Variants in PAIP1 observed in about 807,000 individuals in gnomAD.
PAIP1 encodes the protein polyadenylate-binding protein-interacting protein 1.
PAIP1 carries 16 observed loss-of-function variants against 61.3 expected under a neutral mutation model. The ratio of observed to expected loss-of-function variants is 0.26; its 90% CI spans 0.18 to 0.40. PAIP1 has a LOEUF of 0.40. Ranked by LOEUF, PAIP1 falls within the 10% of genes least tolerant of loss-of-function variation. The probability of loss-of-function intolerance (pLI) is 1.00; values close to 1 mark genes in which losing one functional copy is unlikely to be tolerated. For missense variants in PAIP1, 416 were observed against 600.9 expected, an observed-to-expected ratio of 0.69 and a Z score of 3.22; for synonymous variants, 187 against 226.2, an observed-to-expected ratio of 0.83 and a Z score of 1.56.
chr5:43,552,943 G>C (rs1280402116), intron 2 of PAIP1, among the ~76,000 whole-genome samples: 1 of 152,164 alleles, frequency 6.6e-6, no homozygotes, highest in Non-Finnish European at 1.5e-5. Flanking sequence ...AGATCAGACT[G>C]CAGAGGTCTG....
rs1429356680 is a variant in PAIP1, at chr5:43,535,654, T to G, written c.973-14A>C. On this transcript the variant is annotated splice_polypyrimidine_tract_variant and intron_variant, in intron 6 of 10. Transcript: ENST00000306846. ...TGATCCTGTCAACTAAAAAAGCAGG[T>G]GTCAGTAAAATAAGAAATTCAATAG... 1 of 1,358,844 alleles carries G rather than the reference T, an allele frequency of 7.4e-7. No individual in the cohort carries two copies. Among genetic ancestry groups the G allele is most frequent in the Non-Finnish European group, 1.1e-6 (1 of 949,546 alleles). 84.2% of individuals were successfully genotyped at this position (1,358,844 alleles called of 1,614,324 possible).
At chr5:43,542,621 A>T (rs1163645633) in intron 4 of PAIP1, among the ~76,000 whole-genome samples, 1 of 152,202 alleles carries the variant, frequency 6.6e-6, no homozygotes, top group Non-Finnish European at 1.5e-5. Context: ...ATGGAATGAA[A>T]ATCCAGAATC....
Position 43,535,581 on chromosome 5 carries a change from T to C in PAIP1, c.1032A>G (p.Glu344=). ...CAACGTTTTCAATTCTCTGAATAAT[T>C]TCTTCCATATCCATCTTTCCTTTTT... is the stretch of plus-strand genomic sequence containing the variant. ...WKEKGKMDME[E]IIQRIENVVL... Residue 344 remains glutamate (E), a synonymous_variant, in exon 7 of 11, where the codon GAA becomes GAG. Transcript: ENST00000306846. 2 of 1,606,192 alleles carry C rather than the reference T, an allele frequency of 1.2e-6. No homozygotes were observed. Among genetic ancestry groups the C allele is most frequent in the Non-Finnish European group, 1.7e-6 (2 of 1,174,234 alleles).
At chr5:43,532,389 A>G (rs571873566) in intron 9 of PAIP1, among the ~76,000 whole-genome samples, 1 of 152,314 alleles carries the variant, frequency 6.6e-6, no homozygotes, top group East Asian at 1.9e-4. Context: ...GAAGAGTTAC[A>G]TAGTATACAA....
chr5:43,551,710 T>C (rs1235856944), intron 2 of PAIP1, among the ~76,000 whole-genome samples: 1 of 150,712 alleles, frequency 6.6e-6, no homozygotes, highest in East Asian at 1.9e-4. Context: ...TCATTCTTCG[T>C]GGCAAAAATG....
chr5:43,535,430 G>A (rs1175826568), intron 7 of PAIP1, 104 bp downstream of exon 7: 1 of 692,080 alleles, frequency 1.4e-6, no homozygotes, highest in African/African-American at 1.8e-5. Context: ...ATATCCGTTA[G>A]CCATCAACTT....
Position 43,541,088 on chromosome 5 carries a change from CTG to C in PAIP1, c.734+1914_734+1915del, listed in dbSNP as rs1048325279. ...ACTTTGACATTTGTATTTTTCCAAACTGTATCTATATCTATTTGGCGCTATTC... is the reference window on the plus strand; with the variant it reads ...ACTTTGACATTTGTATTTTTCCAAACTATCTATATCTATTTGGCGCTATTC... On this transcript the variant is annotated intron_variant, in intron 4 of 10. Transcript: ENST00000306846. Among the ~76,000 whole-genome samples, 38 of 149,618 alleles carry C rather than the reference CTG, an allele frequency of 2.5e-4. 1 individual carries two copies. The highest frequency in any genetic ancestry group is 8.9e-4 in the African/African-American group (36 of 40,426).
intron 3 of PAIP1, among the ~76,000 whole-genome samples, chr5:43,545,602 G>A (rs1341738652): frequency 2.6e-5 from 4 of 152,080 alleles, no homozygotes; most frequent in Non-Finnish European, 4.4e-5. Flanking sequence ...GGAATTCAAC[G>A]TTAGATCTGC....
intron 2 of PAIP1, among the ~76,000 whole-genome samples, chr5:43,551,664 C>A (rs13357169): frequency 0.011 from 1,747 of 152,026 alleles, 33 homozygotes; most frequent in African/African-American, 0.036. Context: ...GTACGGGTCC[C>A]AGCTGAAAGT....
intron 9 of PAIP1, among the ~76,000 whole-genome samples, chr5:43,532,877 G>A (rs954003430): frequency 3.3e-5 from 5 of 152,108 alleles, no homozygotes; most frequent in African/African-American, 4.8e-5. Context: ...TCACTTGTCA[G>A]GGAAATAAAA....
At position 43,527,006 on chromosome 5, in the gene PAIP1, A is replaced by G. The variant is rs904380625; in HGVS notation, c.*370T>C. The G allele has an allele frequency of 1.3e-5, 2 of 155,086 alleles. No homozygotes were observed. Among genetic ancestry groups the G allele is most frequent in the African/African-American group, 4.8e-5 (2 of 41,582 alleles). The allele number at this position is 155,086 out of a possible 1,614,324, so 9.6% of individuals were successfully genotyped here. A position where few individuals can be genotyped will look rare whatever the true frequency, so the allele number is the denominator to read the frequency against. On this transcript the variant is annotated 3_prime_UTR_variant, in exon 11 of 11. Coordinates refer to ENST00000306846, the MANE Select transcript of PAIP1 (RefSeq NM_006451.5). The stretch of plus-strand genomic sequence containing the variant: ...ACTCCTACCTAAAAAAGGATGCTAC[A>G]TTTTTGCAGTAATATGTATTTCCAG...
At position 43,527,361 on chromosome 5, in the gene PAIP1, T is replaced by G; in HGVS notation, c.*15A>C. 6.3e-7 allele frequency: 1 copy of G among 1,577,496 alleles called. No individual in the cohort carries two copies. Among genetic ancestry groups the G allele is most frequent in the Non-Finnish European group, 8.6e-7 (1 of 1,163,938 alleles). On this transcript the variant is annotated 3_prime_UTR_variant, in exon 11 of 11. Coordinates refer to ENST00000306846, the MANE Select transcript of PAIP1 (RefSeq NM_006451.5). ...CCTAAACTGCTTTATAAAACTGATA[T>G]GCTGAAATTTAACTTTACTGTTTTC...
chr5:43,533,689 C>G, intron 9 of PAIP1, 49 bp downstream of exon 9: 1 of 1,168,790 alleles, frequency 8.6e-7, no homozygotes. Context: ...TGTAAATTTA[C>G]TACTTTACCA....
chr5:43,531,532 C>CTGTAA (rs1746929476), intron 9 of PAIP1, among the ~76,000 whole-genome samples: 1 of 148,800 alleles, frequency 6.7e-6, no homozygotes, highest in South Asian at 2.1e-4. Context: ...TGGCACAGGC[C>CTGTAA]TGTAATCCCA....
rs986700080 is a variant in PAIP1, at chr5:43,556,005, A to G, written c.266-6T>C. 2 of 1,606,016 alleles carry G rather than the reference A, an allele frequency of 1.2e-6. No individual in the cohort carries two copies. Among genetic ancestry groups the G allele is most frequent in the Non-Finnish European group, 1.7e-6 (2 of 1,177,858 alleles). Reference sequence around the variant, plus strand: ...TCTCAGGGGCCTCGTTTGCTCTGCAAAAGAAAAAAAAACGGGGCGTCAGAT... The same window carrying G: ...TCTCAGGGGCCTCGTTTGCTCTGCAGAAGAAAAAAAAACGGGGCGTCAGAT... On this transcript the variant is annotated splice_region_variant and splice_polypyrimidine_tract_variant and intron_variant, in intron 1 of 10. Coordinates refer to ENST00000306846, the MANE Select transcript of PAIP1 (RefSeq NM_006451.5).
At chr5:43,535,477 C>T in intron 7 of PAIP1, 57 bp downstream of exon 7, 1 of 983,428 alleles carries the variant, frequency 1.0e-6, no homozygotes, top group Non-Finnish European at 1.6e-6. Context: ...AAACAATCTC[C>T]AAAGAAAAAG....
intron 10 of PAIP1, among the ~76,000 whole-genome samples, chr5:43,528,444 A>G (rs921256369): frequency 6.6e-6 from 1 of 152,206 alleles, no homozygotes; most frequent in Admixed American, 6.5e-5. Flanking sequence ...ATGTGTTGAA[A>G]TAACCATGAG....
chr5:43,541,709 T>C (rs1396775364), intron 4 of PAIP1, among the ~76,000 whole-genome samples: 2 of 57,580 alleles, frequency 3.5e-5, no homozygotes, highest in Admixed American at 2.8e-4. Context: ...GGACGAACTA[T>C]AATAAACTTG....
chr5:43,534,810 A>G, intron 8 of PAIP1, 43 bp downstream of exon 8: 1 of 1,052,418 alleles, frequency 9.5e-7, no homozygotes, highest in South Asian at 1.3e-5. Context: ...CCAAAACGGA[A>G]TTCAAGCAAT....
Sources: gnomAD v4.1 joint callset for allele counts (sites outside exome capture counted in the v4.1 genomes callset) on GRCh38, gnomAD v4.1.1 for gene constraint, MANE v1.5 for transcripts, NCBI Gene and HGNC (gene_info 2026-07-23, HGNC 2026-07-21) for gene names.